Variants in DOCK7 observed in about 807,000 individuals in gnomAD.
DOCK7 encodes the protein dedicator of cytokinesis 7.
A neutral mutation model predicts 271.0 loss-of-function variants in DOCK7; 138 were observed. That is an observed-to-expected ratio of 0.51 (90% CI 0.44 to 0.59). The LOEUF (loss-of-function observed/expected upper bound fraction) is 0.59, where lower values mean the gene tolerates loss of function less well. Ranked by LOEUF, DOCK7 falls within the 20% of genes least tolerant of loss-of-function variation. DOCK7 has a pLI of 0.00. For missense variants in DOCK7, 2,066 were observed against 2,592.4 expected, an observed-to-expected ratio of 0.80 and a Z score of 4.41; for synonymous variants, 823 against 876.1, an observed-to-expected ratio of 0.94 and a Z score of 1.07.
Position 62,489,078 on chromosome 1 carries a change from A to T in DOCK7, c.5362-13T>A. 1.3e-6 allele frequency: 2 copies of T among 1,549,670 alleles called. No individual in the cohort carries two copies. Among genetic ancestry groups the T allele is most frequent in the Non-Finnish European group, 1.7e-6 (2 of 1,151,548 alleles). ...CATACATGCCAGCCTATAAGAAAAA[A>T]TTTTGTTAAGATGTTGCTTTCTTTT... On this transcript the variant is annotated splice_polypyrimidine_tract_variant and intron_variant, in intron 41 of 49. Transcript: ENST00000635253.
intron 29 of DOCK7, among the ~76,000 whole-genome samples, chr1:62,531,509 A>G (rs1258177352): frequency 6.6e-6 from 1 of 152,242 alleles, no homozygotes; most frequent in Non-Finnish European, 1.5e-5. Flanking sequence ...TGCTACAATT[A>G]AGGAACATAA....
chr1:62,675,764 G>A (rs1007151289), intron 1 of DOCK7, among the ~76,000 whole-genome samples: 2 of 151,718 alleles, frequency 1.3e-5, no homozygotes, highest in Admixed American at 6.6e-5. Flanking sequence ...CAGCCTGGGC[G>A]ACAGTGCGAG....
At chr1:62,600,331 T>C (rs979193516) in intron 14 of DOCK7, among the ~76,000 whole-genome samples, 5 of 151,806 alleles carry the variant, frequency 3.3e-5, no homozygotes, top group African/African-American at 4.8e-5. Flanking sequence ...TAAGATCACA[T>C]AGTTACTTAG....
At chr1:62,652,731 ACAGAGGTAAAGACTTT>A (rs1657539449) in intron 4 of DOCK7, among the ~76,000 whole-genome samples, 2 of 152,232 alleles carry the variant, frequency 1.3e-5, no homozygotes, top group Non-Finnish European at 2.9e-5. Flanking sequence ...ACATATATGC[ACAGAGGTAAAGACTTT>A]TGAATTATCT....
chr1:62,625,557 G>C (rs1653843846), intron 11 of DOCK7, among the ~76,000 whole-genome samples, 156 bp from the exon 12 acceptor site: 1 of 152,120 alleles, frequency 6.6e-6, no homozygotes, highest in Admixed American at 6.5e-5. Flanking sequence ...AGATTAGTAA[G>C]AAAGTACCTA....
chr1:62,614,924 C>G (rs1422205346), intron 14 of DOCK7, among the ~76,000 whole-genome samples: 3 of 151,686 alleles, frequency 2.0e-5, no homozygotes, highest in Non-Finnish European at 3.0e-5. Flanking sequence ...ATAACATTGA[C>G]TGGAAAAAAA....
In DOCK7 at chr1:62,625,397, T is replaced by A; in HGVS notation, c.1287A>T (p.Arg429=). 2.5e-6 allele frequency: 4 copies of A among 1,590,016 alleles called. No individual in the cohort carries two copies. Among genetic ancestry groups the A allele is most frequent in the Non-Finnish European group, 3.4e-6 (4 of 1,170,984 alleles). The change falls in exon 12 of 50, where the codon CGA becomes CGT. Residue 429 remains arginine, a synonymous_variant. Transcript: ENST00000635253. ...STEVEISTGE[R]KGSWSERRNS... Reference sequence around the variant, plus strand: ...TCCTCCTCTCTGACCAAGACCCTTTTCGTTCTACAAAAGAATTAAAAAAAA... The same window carrying A: ...TCCTCCTCTCTGACCAAGACCCTTTACGTTCTACAAAAGAATTAAAAAAAA...
chr1:62,588,406 T>A (rs1329049258), intron 14 of DOCK7, among the ~76,000 whole-genome samples: 1 of 152,222 alleles, frequency 6.6e-6, no homozygotes, highest in Non-Finnish European at 1.5e-5. Flanking sequence ...GGTACCTAGC[T>A]GTCTGTGGGG....
At chr1:62,545,310 A>G (rs1166615157) in intron 22 of DOCK7, among the ~76,000 whole-genome samples, 3 of 152,110 alleles carry the variant, frequency 2.0e-5, no homozygotes, top group African/African-American at 7.2e-5. Flanking sequence ...TGAAGTACCA[A>G]TAACTAATGT....
chr1:62,488,633 A>ACTATGAT (rs1393264696), intron 42 of DOCK7: 43 of 306,414 alleles, frequency 1.4e-4, no homozygotes, highest in Admixed American at 6.3e-4. Flanking sequence ...GAGATTCACA[A>ACTATGAT]CTATGATCTA....
intron 27 of DOCK7, among the ~76,000 whole-genome samples, chr1:62,538,538 T>C (rs926433720): frequency 2.6e-5 from 4 of 152,160 alleles, no homozygotes; most frequent in African/African-American, 4.8e-5. Context: ...TTGACAAATA[T>C]AGGAGATCAA....
chr1:62,546,602 TTAC>T (rs1349041870), intron 22 of DOCK7, among the ~76,000 whole-genome samples: 14 of 152,218 alleles, frequency 9.2e-5, no homozygotes, highest in Middle Eastern at 3.4e-3. Context: ...TGGAAGTAAA[TTAC>T]TAAGTTCAAT....
intron 41 of DOCK7, among the ~76,000 whole-genome samples, chr1:62,492,122 G>A (rs1646483818): frequency 6.6e-6 from 1 of 152,036 alleles, no homozygotes; most frequent in Admixed American, 6.5e-5. Flanking sequence ...AGGAGGCTGA[G>A]GTGGGAAGAT....
At chr1:62,457,101 T>TA (rs148627206) in intron 49 of DOCK7, among the ~76,000 whole-genome samples, 2 of 152,140 alleles carry the variant, frequency 1.3e-5, no homozygotes, top group African/African-American at 2.4e-5. Context: ...AGGAGAAATC[T>TA]AAAAAAATTA....
At position 62,636,529 on chromosome 1, in the gene DOCK7, A is replaced by T; in HGVS notation, c.885+8T>A. Reference sequence around the variant, plus strand: ...ACAAATAACTATGGTCAAATTATATAATCTTACCTTTTTCTTTTCCTTGAC... The same window carrying T: ...ACAAATAACTATGGTCAAATTATATTATCTTACCTTTTTCTTTTCCTTGAC... On this transcript the variant is annotated splice_region_variant and intron_variant, in intron 8 of 49. Transcript: ENST00000635253. 6.3e-7 allele frequency: 1 copy of T among 1,588,172 alleles called. No individual in the cohort carries two copies. The highest frequency in any genetic ancestry group is 8.6e-7 in the Non-Finnish European group (1 of 1,162,936).
chr1:62,555,600 C>T lies in DOCK7; in HGVS notation c.2596+225G>A, dbSNP rs56285615. Among the ~76,000 whole-genome samples the T allele has an allele frequency of 7.3e-3, 1,113 of 152,276 alleles. 8 individuals are homozygous for T. The highest frequency in any genetic ancestry group is 0.011 in the Non-Finnish European group (774 of 68,020). On this transcript the variant is annotated intron_variant, in intron 21 of 49. Transcript: ENST00000635253. ...TTCCAAAAATTAACTCAACCAAGAACTCTAATTCAAACTAAAGCAAACTGT... is the reference window on the plus strand; with the variant it reads ...TTCCAAAAATTAACTCAACCAAGAATTCTAATTCAAACTAAAGCAAACTGT...
chr1:62,604,865 AAGTTAATGT>A (rs760709309), intron 14 of DOCK7: 10 of 1,536,268 alleles, frequency 6.5e-6, no homozygotes, highest in Non-Finnish European at 8.9e-6. Flanking sequence ...ACCTCATTCC[AAGTTAATGT>A]GGTCTAATAA....
In DOCK7 at chr1:62,649,649, T is replaced by C. The variant is rs1273602159; in HGVS notation, c.390-1105A>G. ...ATGATTCATGATCAATACTCTCTTCTATGTCATCCTGTCCTCTAGTCTGTT... is the reference window on the plus strand; with the variant it reads ...ATGATTCATGATCAATACTCTCTTCCATGTCATCCTGTCCTCTAGTCTGTT... On this transcript the variant is annotated intron_variant, in intron 4 of 49. Transcript: ENST00000635253. Among the ~76,000 whole-genome samples the C allele has an allele frequency of 2.6e-5, 4 of 152,192 alleles. No homozygotes were observed. In the South Asian group the frequency reaches 6.2e-4, roughly 24 times the overall value.
chr1:62,540,660 G>C (rs1437233616), intron 25 of DOCK7, among the ~76,000 whole-genome samples: 1 of 152,132 alleles, frequency 6.6e-6, no homozygotes, highest in East Asian at 1.9e-4. Context: ...TATTTGTACT[G>C]AATATTGTGC....
Sources: gnomAD v4.1 joint callset for allele counts (sites outside exome capture counted in the v4.1 genomes callset) on GRCh38, gnomAD v4.1.1 for gene constraint, MANE v1.5 for transcripts, NCBI Gene and HGNC (gene_info 2026-07-23, HGNC 2026-07-21) for gene names.